TIAM1: variants seen among roughly 807,000 people sequenced by gnomAD.
The protein encoded by TIAM1 is rho guanine nucleotide exchange factor TIAM1.
TIAM1 carries 65 observed loss-of-function variants against 163.5 expected under a neutral mutation model. That is an observed-to-expected ratio of 0.40 (90% CI 0.33 to 0.49). The LOEUF is 0.49. Among genes scored for constraint, TIAM1 ranks in the 20% least tolerant of loss-of-function variants. TIAM1 has a pLI of 0.77. For synonymous variants in TIAM1, 833 were observed against 810.1 expected (o/e 1.03, Z -0.48); for missense variants, 1,789 against 2,044.7 (o/e 0.87, Z 2.41).
intron 1 of TIAM1, among the ~76,000 whole-genome samples, chr21:31,549,670 G>T (rs1347733238): frequency 2.0e-5 from 3 of 152,186 alleles, no homozygotes; most frequent in African/African-American, 7.2e-5. Context: ...AATAACAAGT[G>T]TTGACAAAGA....
intron 2 of TIAM1, among the ~76,000 whole-genome samples, chr21:31,434,219 C>A (rs991697229): frequency 6.6e-6 from 1 of 152,132 alleles, no homozygotes; most frequent in Non-Finnish European, 1.5e-5. Flanking sequence ...GATTTATACT[C>A]CCACCTGAAA....
chr21:31,361,968 G>GTGCA (rs2076415038), intron 2 of TIAM1, among the ~76,000 whole-genome samples: 1 of 151,934 alleles, frequency 6.6e-6, no homozygotes, highest in African/African-American at 2.4e-5. Context: ...ACACATATAT[G>GTGCA]TGCATGCAAG....
intron 2 of TIAM1, among the ~76,000 whole-genome samples, chr21:31,441,526 G>C (rs1452455166): frequency 6.6e-6 from 1 of 152,170 alleles, no homozygotes; most frequent in African/African-American, 2.4e-5. Context: ...CGATAGCAGA[G>C]CCACAATATG....
At chr21:31,187,749 A>AG (rs1208887421) in intron 13 of TIAM1, among the ~76,000 whole-genome samples, 1 of 152,140 alleles carries the variant, frequency 6.6e-6, no homozygotes, top group Non-Finnish European at 1.5e-5. Context: ...AAGCAGAGTG[A>AG]GGCCGAGGTA....
At chr21:31,292,826 G>A (rs996427829) in intron 2 of TIAM1, among the ~76,000 whole-genome samples, 5 of 151,846 alleles carry the variant, frequency 3.3e-5, no homozygotes, top group South Asian at 2.1e-4. Context: ...GCACCACCAC[G>A]CCTGGCTAAT....
At chr21:31,468,686 G>A (rs1825505024) in intron 1 of TIAM1, among the ~76,000 whole-genome samples, 1 of 152,070 alleles carries the variant, frequency 6.6e-6, no homozygotes, top group African/African-American at 2.4e-5. Context: ...TGAGGCAGGA[G>A]AATGGCGTGA....
intron 2 of TIAM1, among the ~76,000 whole-genome samples, chr21:31,337,030 C>T (rs887411485): frequency 3.9e-5 from 6 of 152,148 alleles, no homozygotes; most frequent in East Asian, 3.9e-4. Flanking sequence ...CACAATAGCA[C>T]GGTGATCAAG....
intron 15 of TIAM1, among the ~76,000 whole-genome samples, chr21:31,179,577 C>T (rs1484786006): frequency 1.3e-5 from 2 of 151,154 alleles, no homozygotes; most frequent in Non-Finnish European, 2.9e-5. Flanking sequence ...AAAGATGATC[C>T]CAAAATTGCA....
chr21:31,347,813 T>C (rs1357676566), upstream of TIAM1, among the ~76,000 whole-genome samples: 3 of 151,916 alleles, frequency 2.0e-5, no homozygotes, highest in African/African-American at 2.4e-5. Context: ...CTGACAACTT[T>C]ATGCACGAAC....
At chr21:31,466,035 T>C (rs139737748) in intron 1 of TIAM1, among the ~76,000 whole-genome samples, 15 of 152,314 alleles carry the variant, frequency 9.8e-5, no homozygotes, top group African/African-American at 3.1e-4. Context: ...TCAGGCGAGG[T>C]TGAACTAGAG....
chr21:31,278,896 A>C (rs1026043744), intron 2 of TIAM1, among the ~76,000 whole-genome samples: 1 of 152,174 alleles, frequency 6.6e-6, no homozygotes, highest in African/African-American at 2.4e-5. Context: ...AACTGGCAGA[A>C]ATTAATAAGC....
At chr21:31,385,980 T>G (rs972095016) in intron 2 of TIAM1, among the ~76,000 whole-genome samples, 1 of 148,554 alleles carries the variant, frequency 6.7e-6, no homozygotes, top group Non-Finnish European at 1.5e-5. Flanking sequence ...ATATATATAA[T>G]AAACATTTTA....
intron 2 of TIAM1, among the ~76,000 whole-genome samples, chr21:31,427,331 C>CA: frequency 6.6e-6 from 1 of 151,854 alleles, no homozygotes; most frequent in East Asian, 1.9e-4. Flanking sequence ...CTAAAATATG[C>CA]AAAAAATTGG....
At chr21:31,239,458 G>T (rs926557377) in intron 6 of TIAM1, among the ~76,000 whole-genome samples, 4 of 151,992 alleles carry the variant, frequency 2.6e-5, no homozygotes, top group Non-Finnish European at 4.4e-5. Context: ...ATATATACAA[G>T]AAAATTTTCA....
Position 31,465,995 on chromosome 21 carries a change from G to C in TIAM1, c.-421-1960C>G, listed in dbSNP as rs571436936. 1.1e-4 allele frequency among the ~76,000 whole-genome samples: 17 copies of C among 152,292 alleles called. No homozygotes were observed. In the South Asian group the frequency reaches 2.5e-3, roughly 22 times the overall value. On this transcript the variant is annotated intron_variant, in intron 1 of 28. Coordinates refer to the TIAM1 transcript ENST00000286827. Reference sequence around the variant, plus strand: ...TGCTGGGATTACAGGCGTGAGCCACGGCGCCCGGCCTTCTTACAGGTCTTG... The same window carrying C: ...TGCTGGGATTACAGGCGTGAGCCACCGCGCCCGGCCTTCTTACAGGTCTTG...
chr21:31,469,436 C>T (rs1021050390), intron 1 of TIAM1, among the ~76,000 whole-genome samples: 7 of 152,104 alleles, frequency 4.6e-5, no homozygotes, highest in Admixed American at 3.3e-4. Flanking sequence ...AACACTTTCT[C>T]TCGTGACTCT....
intron 1 of TIAM1, among the ~76,000 whole-genome samples, chr21:31,515,884 G>T (rs531445655): frequency 6.6e-6 from 1 of 152,158 alleles, no homozygotes; most frequent in Admixed American, 6.5e-5. Context: ...AAGGCAGGCG[G>T]ATCACCTGAG....
intron 2 of TIAM1, among the ~76,000 whole-genome samples, chr21:31,455,653 T>C (rs1237433865): frequency 6.6e-6 from 1 of 152,260 alleles, no homozygotes; most frequent in East Asian, 1.9e-4. Context: ...TATGAGTTAA[T>C]AGTAGAACAG....
At chr21:31,390,320 C>T (rs1404919572) in intron 2 of TIAM1, among the ~76,000 whole-genome samples, 1 of 152,160 alleles carries the variant, frequency 6.6e-6, no homozygotes, top group Non-Finnish European at 1.5e-5. Flanking sequence ...CACTAATGGA[C>T]AAGTTGTAAA....
Sources: gnomAD v4.1 joint callset for allele counts (sites outside exome capture counted in the v4.1 genomes callset) on GRCh38, gnomAD v4.1.1 for gene constraint, MANE v1.5 for transcripts, NCBI Gene and HGNC (gene_info 2026-07-23, HGNC 2026-07-21) for gene names.